PKNOX2: variants seen among roughly 807,000 people sequenced by gnomAD.
PKNOX2 encodes the protein homeobox protein PKNOX2.
A neutral mutation model predicts 53.1 loss-of-function variants in PKNOX2; 14 were observed. That is an observed-to-expected ratio of 0.26 (90% CI 0.17 to 0.41). PKNOX2 has a LOEUF of 0.41. PKNOX2 is among the 10% of genes least tolerant of loss of function. The pLI is 1.00. For missense variants in PKNOX2, 496 were observed against 602.8 expected, an observed-to-expected ratio of 0.82 and a Z score of 1.85; for synonymous variants, 257 against 242.8, an observed-to-expected ratio of 1.06 and a Z score of -0.54.
intron 1 of PKNOX2, among the ~76,000 whole-genome samples, chr11:125,178,624 A>G (rs1211442985): frequency 2.1e-4 from 16 of 75,816 alleles, no homozygotes; most frequent in African/African-American, 1.4e-3. Flanking sequence ...GAAAGAAAGA[A>G]AGAAAGAAAG....
intron 1 of PKNOX2, among the ~76,000 whole-genome samples, chr11:125,232,511 C>A (rs1184059017): frequency 6.6e-6 from 1 of 152,208 alleles, no homozygotes; most frequent in African/African-American, 2.4e-5. Flanking sequence ...CATGGTCAAG[C>A]CAGAATCGAA....
intron 1 of PKNOX2, among the ~76,000 whole-genome samples, chr11:125,233,064 T>C (rs1942367602): frequency 1.3e-5 from 2 of 152,224 alleles, no homozygotes; most frequent in Non-Finnish European, 2.9e-5. Flanking sequence ...ATTTTCAAAA[T>C]TATTTCATTG....
chr11:125,308,008 G>A (rs1472600935), intron 2 of PKNOX2, among the ~76,000 whole-genome samples: 1 of 152,248 alleles, frequency 6.6e-6, no homozygotes, highest in Non-Finnish European at 1.5e-5. Context: ...ATCGAGGGGA[G>A]AGGAGGGAAA....
In PKNOX2 at chr11:125,166,198, T is replaced by C. The variant is rs1954864377; in HGVS notation, c.-201+1422T>C. Among the ~76,000 whole-genome samples, 1 of 152,090 alleles carries C rather than the reference T, an allele frequency of 6.6e-6. No homozygotes were observed. Among genetic ancestry groups the C allele is most frequent in the Admixed American group, 6.5e-5 (1 of 15,278 alleles). On this transcript the variant is annotated intron_variant, in intron 1 of 12. Transcript: ENST00000298282. This position sits in a 1 kb window ranked among gnomAD's most constrained non-coding sequence, Gnocchi z 4.0. ...GGGCTGGAGGAACGGGTGGCGTTTT[T>C]AGGATTCAGTAACAGGATCACAGCT... is the stretch of plus-strand genomic sequence containing the variant.
chr11:125,299,150 C>G (rs1341924229), intron 2 of PKNOX2, among the ~76,000 whole-genome samples: 1 of 152,076 alleles, frequency 6.6e-6, no homozygotes, highest in Non-Finnish European at 1.5e-5. Context: ...GGAGGTGCCA[C>G]ACACTTTTAC....
At chr11:125,334,692 A>G (rs780475309) in intron 3 of PKNOX2, among the ~76,000 whole-genome samples, 16 of 150,044 alleles carry the variant, frequency 1.1e-4, no homozygotes, top group Non-Finnish European at 2.2e-4. Flanking sequence ...TCTGCCTTCC[A>G]GGCCCAAGTG....
intron 1 of PKNOX2, among the ~76,000 whole-genome samples, chr11:125,196,138 T>C (rs1462733837): frequency 6.6e-6 from 1 of 152,138 alleles, no homozygotes; most frequent in African/African-American, 2.4e-5. Context: ...ACACAAAGCA[T>C]GGAGCTGGCA....
chr11:125,229,093 C>T (rs1336653328), intron 1 of PKNOX2, among the ~76,000 whole-genome samples: 1 of 152,186 alleles, frequency 6.6e-6, no homozygotes, highest in East Asian at 1.9e-4. Context: ...CTTGGTGGGT[C>T]CATGTGGGAG....
chr11:125,397,812 G>A (rs1954502833), intron 6 of PKNOX2, 62 bp from the exon 7 acceptor site: 1 of 1,517,096 alleles, frequency 6.6e-7, no homozygotes, highest in Non-Finnish European at 9.0e-7. Context: ...GGGGCTGGGG[G>A]TCCAGGCAGT....
At chr11:125,427,533 G>A (rs1484795263) in intron 10 of PKNOX2, among the ~76,000 whole-genome samples, 1 of 152,132 alleles carries the variant, frequency 6.6e-6, no homozygotes, top group African/African-American at 2.4e-5. Context: ...GATAATAAGA[G>A]TATTCGTACC....
intron 10 of PKNOX2, among the ~76,000 whole-genome samples, chr11:125,420,103 T>C (rs1472224691): frequency 1.3e-5 from 2 of 150,604 alleles, no homozygotes; most frequent in Non-Finnish European, 3.0e-5. Flanking sequence ...AGGAGGATCA[T>C]TTGAGCCCAG....
chr11:125,266,216 G>A (rs1945331553), intron 2 of PKNOX2, among the ~76,000 whole-genome samples: 2 of 152,216 alleles, frequency 1.3e-5, no homozygotes, highest in Admixed American at 6.5e-5. Context: ...TCCCCCGTCA[G>A]TGGTAAGATT....
At chr11:125,184,540 C>A (rs2135296357) in intron 1 of PKNOX2, among the ~76,000 whole-genome samples, 1 of 152,304 alleles carries the variant, frequency 6.6e-6, no homozygotes, top group Non-Finnish European at 1.5e-5. Flanking sequence ...AGATAATGAG[C>A]AAAGACCCTA....
intron 1 of PKNOX2, among the ~76,000 whole-genome samples, chr11:125,200,617 T>C (rs1354868409): frequency 3.3e-5 from 5 of 152,176 alleles, no homozygotes. Context: ...TGGCCCTCCG[T>C]CTGTTCTCTA....
chr11:125,360,398 G>A (rs1474317531), intron 4 of PKNOX2, among the ~76,000 whole-genome samples: 1 of 152,144 alleles, frequency 6.6e-6, no homozygotes, highest in Non-Finnish European at 1.5e-5. Flanking sequence ...CAAGGTTTGC[G>A]GGGCATCTGC....
At chr11:125,268,872 G>T (rs538295721) in intron 2 of PKNOX2, among the ~76,000 whole-genome samples, 16 of 149,054 alleles carry the variant, frequency 1.1e-4, no homozygotes, top group Admixed American at 9.6e-4. Context: ...AATGGCTTTG[G>T]TCCCATTAGT....
At chr11:125,179,178 A>G (rs1052216175) in intron 1 of PKNOX2, among the ~76,000 whole-genome samples, 2 of 152,138 alleles carry the variant, frequency 1.3e-5, no homozygotes, top group Non-Finnish European at 2.9e-5. Flanking sequence ...AGGTATCCTG[A>G]GCATGTGCCC....
At chr11:125,267,573 C>G (rs1222476399) in intron 2 of PKNOX2, among the ~76,000 whole-genome samples, 2 of 152,224 alleles carry the variant, frequency 1.3e-5, no homozygotes, top group Admixed American at 6.5e-5. Flanking sequence ...AAGGGATGGC[C>G]TGACTCCAGC....
intron 2 of PKNOX2, among the ~76,000 whole-genome samples, chr11:125,306,413 T>C (rs1948461038): frequency 6.6e-6 from 1 of 152,194 alleles, no homozygotes; most frequent in African/African-American, 2.4e-5. Context: ...CAGGCCCGCT[T>C]CTCCTGGGCT....
Sources: gnomAD v4.1 joint callset for allele counts (sites outside exome capture counted in the v4.1 genomes callset) on GRCh38, gnomAD v4.1.1 for gene constraint, Gnocchi (gnomAD v3.1) non-coding constraint, MANE v1.5 for transcripts, NCBI Gene and HGNC (gene_info 2026-07-23, HGNC 2026-07-21) for gene names.